The following STPG2 variants were observed in gnomAD, a reference collection of about 807,000 sequenced individuals.
STPG2 encodes sperm-tail PG-rich repeat-containing protein 2.
A neutral mutation model predicts 54.2 loss-of-function variants in STPG2; 56 were observed. That is an observed-to-expected ratio of 1.03 (90% CI 0.83 to 1.29). The LOEUF (loss-of-function observed/expected upper bound fraction) is 1.29, where lower values mean the gene tolerates loss of function less well. Ranked by LOEUF, STPG2 falls within the 50% of genes most tolerant of loss-of-function variation. STPG2 has a pLI of 0.00. For synonymous variants in STPG2, 200 were observed against 181.8 expected, an observed-to-expected ratio of 1.10 and a Z score of -0.81; for missense variants, 596 against 544.9, an observed-to-expected ratio of 1.09 and a Z score of -0.93.
intron 10 of STPG2, among the ~76,000 whole-genome samples, chr4:97,561,510 G>A (rs1732242250): frequency 6.6e-6 from 1 of 152,144 alleles, no homozygotes; most frequent in Non-Finnish European, 1.5e-5. Context: ...TTTTAGACAT[G>A]AAGTCCTTGC....
intron 4 of STPG2, among the ~76,000 whole-genome samples, chr4:97,537,351 T>C (rs896740431): frequency 3.9e-5 from 6 of 152,118 alleles, no homozygotes; most frequent in Non-Finnish European, 7.4e-5. Flanking sequence ...CACCCTAATA[T>C]TGCACATTTC....
chr4:97,799,960 C>T (rs1226549738), intron 9 of STPG2, among the ~76,000 whole-genome samples: 2 of 152,188 alleles, frequency 1.3e-5, no homozygotes, highest in Non-Finnish European at 2.9e-5. Flanking sequence ...ACCCTTCCTT[C>T]CAATTGATCA....
chr4:97,825,327 T>A (rs1560542698), intron 9 of STPG2, among the ~76,000 whole-genome samples: 1 of 152,174 alleles, frequency 6.6e-6, no homozygotes. Context: ...TGGTGTGTAA[T>A]AACTAGGTAG....
chr4:97,765,783 A>G (rs1726027068), intron 9 of STPG2, among the ~76,000 whole-genome samples: 1 of 152,162 alleles, frequency 6.6e-6, no homozygotes, highest in African/African-American at 2.4e-5. Flanking sequence ...TGAACTTCAT[A>G]TTAGGAATAG....
chr4:98,082,034 A>C (rs1738358472), intron 5 of STPG2, among the ~76,000 whole-genome samples: 1 of 152,148 alleles, frequency 6.6e-6, no homozygotes, highest in Admixed American at 6.5e-5. Flanking sequence ...AGGAGGAAGC[A>C]AGTTTATGAG....
intron 9 of STPG2, among the ~76,000 whole-genome samples, chr4:97,777,188 A>G (rs945232123): frequency 6.6e-6 from 1 of 152,234 alleles, no homozygotes; most frequent in African/African-American, 2.4e-5. Context: ...ATGCAGTAAC[A>G]GATGTTCCTA....
At chr4:97,446,358 T>A (rs1313839181) in intron 4 of STPG2, among the ~76,000 whole-genome samples, 1 of 152,190 alleles carries the variant, frequency 6.6e-6, no homozygotes, top group Non-Finnish European at 1.5e-5. Flanking sequence ...ATCTGTTAAT[T>A]ACACCTTGGA....
At chr4:97,584,812 G>GA (rs2148893509) in intron 10 of STPG2, among the ~76,000 whole-genome samples, 1 of 151,372 alleles carries the variant, frequency 6.6e-6, no homozygotes, top group Non-Finnish European at 1.5e-5. Context: ...ATTAAATCAG[G>GA]AAAAAAATAG....
chr4:97,620,191 T>G (rs764743747), intron 10 of STPG2, among the ~76,000 whole-genome samples: 12 of 152,214 alleles, frequency 7.9e-5, no homozygotes, highest in Non-Finnish European at 1.6e-4. Flanking sequence ...AAAGGTAGGT[T>G]CCGAAATAAC....
intron 9 of STPG2, among the ~76,000 whole-genome samples, chr4:97,836,849 TAATA>T (rs1451292800): frequency 1.3e-5 from 2 of 149,278 alleles, no homozygotes; most frequent in Admixed American, 6.7e-5. Context: ...AATATTTAAT[TAATA>T]AATGATAATT....
chr4:97,587,209 T>C (rs892183384), intron 10 of STPG2, among the ~76,000 whole-genome samples: 3 of 151,914 alleles, frequency 2.0e-5, no homozygotes, highest in Non-Finnish European at 2.9e-5. Flanking sequence ...TTACCATCAT[T>C]TTCCCTCTTC....
At chr4:97,673,007 C>T (rs114659288) in intron 10 of STPG2, among the ~76,000 whole-genome samples, 229 of 152,332 alleles carry the variant, frequency 1.5e-3, no homozygotes, top group African/African-American at 5.4e-3. Context: ...TTGTGTACAA[C>T]ACATCCTAAT....
At chr4:97,827,646 T>C (rs1218674665) in intron 9 of STPG2, among the ~76,000 whole-genome samples, 1 of 152,216 alleles carries the variant, frequency 6.6e-6, no homozygotes, top group Non-Finnish European at 1.5e-5. Context: ...GTGGGTATTC[T>C]TAACTTATGG....
intron 4 of STPG2, among the ~76,000 whole-genome samples, chr4:97,473,479 T>C (rs902227299): frequency 2.0e-5 from 3 of 152,174 alleles, no homozygotes; most frequent in Non-Finnish European, 4.4e-5. Flanking sequence ...AGGAAATTCC[T>C]GCCTAATAAA....
chr4:97,931,216 C>T (rs185032641), intron 8 of STPG2, among the ~76,000 whole-genome samples: 34 of 152,262 alleles, frequency 2.2e-4, no homozygotes, highest in Admixed American at 1.0e-3. Context: ...ACTTCCAATA[C>T]TATGCTGAAT....
At chr4:97,978,362 A>G (rs562861014) in intron 6 of STPG2, among the ~76,000 whole-genome samples, 1 of 152,358 alleles carries the variant, frequency 6.6e-6, no homozygotes, top group African/African-American at 2.4e-5. Flanking sequence ...CTTTGCAGAA[A>G]CATGGATGGA....
chr4:97,673,111 T>G (rs890581726), intron 10 of STPG2, among the ~76,000 whole-genome samples: 3 of 152,200 alleles, frequency 2.0e-5, no homozygotes, highest in Non-Finnish European at 2.9e-5. Context: ...GAGAAAACCC[T>G]GATGCAAACT....
intron 5 of STPG2, among the ~76,000 whole-genome samples, chr4:98,079,294 T>C (rs1431897302): frequency 1.3e-5 from 2 of 152,208 alleles, no homozygotes; most frequent in Non-Finnish European, 2.9e-5. Context: ...TAGGATGACT[T>C]TGCATGTCCT....
intron 9 of STPG2, among the ~76,000 whole-genome samples, chr4:97,732,152 G>A (rs1724818964): frequency 6.6e-6 from 1 of 152,162 alleles, no homozygotes; most frequent in Admixed American, 6.5e-5. Flanking sequence ...TCAAGGGACA[G>A]GCACCTATGG....
Sources: allele counts gnomAD v4.1 joint callset (sites outside exome capture counted in the v4.1 genomes callset), GRCh38; gene constraint gnomAD v4.1.1; transcripts MANE v1.5; gene names NCBI Gene and HGNC (gene_info 2026-07-23, HGNC 2026-07-21).